Variants in NDEL1 observed in about 807,000 individuals in gnomAD.
NDEL1 encodes nuclear distribution protein nudE-like 1.
A neutral mutation model predicts 45.7 loss-of-function variants in NDEL1; 9 were observed. That is an observed-to-expected ratio of 0.20 (90% CI 0.12 to 0.34). The LOEUF (loss-of-function observed/expected upper bound fraction) is 0.34, where lower values mean the gene tolerates loss of function less well. NDEL1 is among the 10% of genes least tolerant of loss of function. The pLI is 1.00. For synonymous variants in NDEL1, 133 were observed against 158.6 expected, an observed-to-expected ratio of 0.84 and a Z score of 1.21; for missense variants, 306 against 406.2, an observed-to-expected ratio of 0.75 and a Z score of 2.12.
At chr17:8,447,936 C>G (rs1444369004) in intron 4 of NDEL1, among the ~76,000 whole-genome samples, 6 of 140,588 alleles carry the variant, frequency 4.3e-5, no homozygotes, top group African/African-American at 1.6e-4. Context: ...GCTGCTGCTC[C>G]AGGGCATAGA....
chr17:8,435,614 C>A (rs986103491), upstream of NDEL1, among the ~76,000 whole-genome samples: 1 of 152,206 alleles, frequency 6.6e-6, no homozygotes, highest in Non-Finnish European at 1.5e-5. Context: ...AAACTGAAGG[C>A]AGGTTCCCAT....
chr17:8,418,707 T>C (rs995015520), intron 1 of NDEL1, among the ~76,000 whole-genome samples: 9 of 148,144 alleles, frequency 6.1e-5, no homozygotes, highest in Non-Finnish European at 7.5e-5. Context: ...TCTCTTTTCT[T>C]TCTCTCTCTC....
intron 1 of NDEL1, among the ~76,000 whole-genome samples, chr17:8,428,886 G>T (rs897431587): frequency 1.7e-3 from 263 of 151,648 alleles, no homozygotes; most frequent in Non-Finnish European, 3.1e-3. Context: ...TGTTAGCCAA[G>T]ATGGTCTCGA....
chr17:8,436,610 GT>G (rs1365660925), intron 1 of NDEL1: 2 of 152,284 alleles, frequency 1.3e-5, no homozygotes, highest in Non-Finnish European at 2.9e-5. Flanking sequence ...GTTCGGCAAA[GT>G]GTCACCAACG....
intron 8 of NDEL1, 38 bp from the exon 9 acceptor site, chr17:8,466,892 C>T (rs1267260530): frequency 2.5e-6 from 4 of 1,581,674 alleles, no homozygotes; most frequent in Non-Finnish European, 3.5e-6. Context: ...TTTTTCGTTT[C>T]CCCTTTCTTC....
chr17:8,449,558 C>A (rs1434960547), intron 5 of NDEL1, among the ~76,000 whole-genome samples: 1 of 152,216 alleles, frequency 6.6e-6, no homozygotes, highest in Non-Finnish European at 1.5e-5. Context: ...TACCCATTTT[C>A]CCTTCCCTTC....
intron 1 of NDEL1, among the ~76,000 whole-genome samples, chr17:8,430,466 G>T (rs931110592): frequency 6.6e-6 from 1 of 152,172 alleles, no homozygotes; most frequent in Non-Finnish European, 1.5e-5. Context: ...CCGAAGTCCA[G>T]CATCTTTACT....
intron 1 of NDEL1, among the ~76,000 whole-genome samples, chr17:8,442,070 G>A (rs765233226): frequency 2.6e-5 from 4 of 151,990 alleles, no homozygotes; most frequent in Non-Finnish European, 4.4e-5. Context: ...TTATATTTCA[G>A]GGCCGGATAA....
rs534125148 is a variant in NDEL1 at position 8,423,788 on chromosome 17, C to T, written c.-13+10519C>T. Among the ~76,000 whole-genome samples the T allele has an allele frequency of 7.9e-5, 12 of 152,262 alleles. No homozygotes were observed. The South Asian group carries it at 2.5e-3, about 32-fold the overall frequency. On this transcript the variant is annotated intron_variant, in intron 1 of 4. Transcript: ENST00000582812. The stretch of plus-strand genomic sequence containing the variant: ...GAGTCATAGCAGAAGTGAATTAATT[C>T]CTAAGATCTGTGTTGCAGAATTGGG...
At chr17:8,454,093 A>G (rs1024105069) in intron 6 of NDEL1, among the ~76,000 whole-genome samples, 1 of 152,132 alleles carries the variant, frequency 6.6e-6, no homozygotes, top group Non-Finnish European at 1.5e-5. Context: ...TAAAAAAATC[A>G]GAAAAATACT....
chr17:8,428,819 T>A lies in NDEL1; in HGVS notation c.-12-15441T>A, dbSNP rs373111220. ...CTCCCGAGTAGCTGGGACTACGGGC[T>A]CCTGCCACCACGCCCGGCTAATTTT... On this transcript the variant is annotated intron_variant, in intron 1 of 4. Coordinates refer to the NDEL1 transcript ENST00000582812. Among the ~76,000 whole-genome samples the A allele has an allele frequency of 9.2e-5, 14 of 151,830 alleles. 1 individual carries two copies. Among genetic ancestry groups the A allele is most frequent in the East Asian group, 3.9e-4 (2 of 5,152 alleles).
chr17:8,466,348 A>G (rs1256769335), intron 8 of NDEL1: 1 of 153,026 alleles, frequency 6.5e-6, no homozygotes, highest in Non-Finnish European at 1.5e-5. Flanking sequence ...ATATACATTT[A>G]TTTATACACA....
At chr17:8,440,020 C>G (rs1909627261) in intron 1 of NDEL1, among the ~76,000 whole-genome samples, 1 of 152,180 alleles carries the variant, frequency 6.6e-6, no homozygotes, top group Non-Finnish European at 1.5e-5. Context: ...GGCTCTTAAC[C>G]ACTATGCTAT....
intron 1 of NDEL1, among the ~76,000 whole-genome samples, chr17:8,443,039 A>G (rs1909864038): frequency 6.6e-6 from 1 of 151,508 alleles, no homozygotes; most frequent in Admixed American, 6.6e-5. Flanking sequence ...TCGGCCTCCC[A>G]AAGTGCTGGG....
downstream of NDEL1, among the ~76,000 whole-genome samples, chr17:8,470,962 A>T (rs575037066): frequency 6.6e-6 from 1 of 152,154 alleles, no homozygotes; most frequent in South Asian, 2.1e-4. The surrounding 1 kb of genome is among the most constrained non-coding windows in gnomAD (Gnocchi z 4.2). Flanking sequence ...CACTTCTGGG[A>T]GAGGGGAGGC....
chr17:8,450,796 A>C lies in NDEL1; in HGVS notation c.543A>C (p.Leu181=). 6.2e-7 allele frequency: 1 copy of C among 1,609,804 alleles called. No individual in the cohort carries two copies. The highest frequency in any genetic ancestry group is 8.5e-7 in the Non-Finnish European group (1 of 1,178,456). ...KDEARDLRQE[L]AVRERQQEVT... The stretch of plus-strand genomic sequence containing the variant: ...ATTTTACAGATTTAAGGCAAGAACT[A>C]GCAGTTCGGGAAAGACAACAGGAAG... The change falls in exon 6 of 9, where the codon CTA becomes CTC. Residue 181 remains leucine, a synonymous_variant. Transcript: ENST00000334527.
intron 1 of NDEL1, among the ~76,000 whole-genome samples, chr17:8,428,383 G>C: frequency 1.0e-5 from 1 of 98,458 alleles, no homozygotes. Flanking sequence ...TTTTTTTTCC[G>C]AGACAGAGTC....
At chr17:8,424,311 G>T (rs1209783516) in intron 1 of NDEL1, among the ~76,000 whole-genome samples, 1 of 152,152 alleles carries the variant, frequency 6.6e-6, no homozygotes, top group African/African-American at 2.4e-5. Flanking sequence ...ATATTGTGTA[G>T]CTATTACATC....
intron 7 of NDEL1, 39 bp downstream of exon 7, chr17:8,454,926 C>T (rs1322480023): frequency 6.7e-7 from 1 of 1,482,274 alleles, no homozygotes; most frequent in Non-Finnish European, 9.4e-7. Flanking sequence ...TTTCCACTGA[C>T]AAGGTATTGA....
Sources: allele counts gnomAD v4.1 joint callset (sites outside exome capture counted in the v4.1 genomes callset), GRCh38; gene constraint gnomAD v4.1.1; non-coding constraint Gnocchi (gnomAD v3.1); transcripts MANE v1.5; gene names NCBI Gene and HGNC (gene_info 2026-07-23, HGNC 2026-07-21).